The following SH3PXD2A variants were observed in gnomAD, a reference collection of about 807,000 sequenced individuals.
The protein encoded by SH3PXD2A is SH3 and PX domain-containing protein 2A.
In SH3PXD2A, 32 loss-of-function variants were observed where a neutral mutation model predicts 115.2. The observed-to-expected ratio is 0.28, with a 90% CI of 0.21 to 0.37. SH3PXD2A has a LOEUF of 0.37. SH3PXD2A is among the 10% of genes least tolerant of loss of function. The pLI is 1.00. For synonymous variants in SH3PXD2A, 610 were observed against 629.1 expected (o/e 0.97, Z 0.45); for missense variants, 1,328 against 1,498.7 (o/e 0.89, Z 1.88).
At chr10:103,722,261 T>A in intron 5 of SH3PXD2A, among the ~76,000 whole-genome samples, 1 of 139,154 alleles carries the variant, frequency 7.2e-6, no homozygotes, top group African/African-American at 2.8e-5. Flanking sequence ...CCGAGATTGC[T>A]CCACTGCACT....
At chr10:103,811,885 C>A (rs1337754255) in intron 1 of SH3PXD2A, among the ~76,000 whole-genome samples, 1 of 152,206 alleles carries the variant, frequency 6.6e-6, no homozygotes, top group East Asian at 1.9e-4. Context: ...GAATACCTGC[C>A]TCACAGTGAA....
intron 13 of SH3PXD2A, chr10:103,608,517 A>G (rs960705754): frequency 6.5e-4 from 99 of 151,626 alleles, no homozygotes; most frequent in African/African-American, 2.2e-3. Flanking sequence ...AAATTGAATA[A>G]TACCGAGTCT....
At chr10:103,776,009 G>C (rs1220098325) in intron 2 of SH3PXD2A, among the ~76,000 whole-genome samples, 1 of 152,210 alleles carries the variant, frequency 6.6e-6, no homozygotes, top group Non-Finnish European at 1.5e-5. Flanking sequence ...CTGGGCTCTA[G>C]GGGAGCATCT....
At chr10:103,833,882 T>C (rs1482064788) in intron 1 of SH3PXD2A, among the ~76,000 whole-genome samples, 2 of 152,164 alleles carry the variant, frequency 1.3e-5, no homozygotes, top group Admixed American at 1.3e-4. Context: ...CAGAACTTGG[T>C]AAGAGGGCTG....
chr10:103,662,009 C>G, intron 7 of SH3PXD2A: 1 of 953,728 alleles, frequency 1.0e-6, no homozygotes, highest in Non-Finnish European at 1.2e-6. Flanking sequence ...CAGCCTCAGG[C>G]CTGCCCCCAG....
intron 11 of SH3PXD2A, among the ~76,000 whole-genome samples, chr10:103,616,772 G>A (rs1283426227): frequency 6.6e-6 from 1 of 151,888 alleles, no homozygotes; most frequent in Non-Finnish European, 1.5e-5. Flanking sequence ...TACTGAGCCT[G>A]GGCAGCAGAG....
At chr10:103,783,123 C>G (rs2038948359) in intron 2 of SH3PXD2A, among the ~76,000 whole-genome samples, 1 of 152,122 alleles carries the variant, frequency 6.6e-6, no homozygotes, top group Non-Finnish European at 1.5e-5. Flanking sequence ...GTGCTGAGAA[C>G]AAGTGACAGG....
intron 1 of SH3PXD2A, among the ~76,000 whole-genome samples, chr10:103,849,030 C>T (rs539008840): frequency 2.1e-5 from 3 of 143,528 alleles, no homozygotes; most frequent in Non-Finnish European, 3.0e-5. Context: ...CTGTATCCCA[C>T]GGCAGCGAGT....
intron 3 of SH3PXD2A, among the ~76,000 whole-genome samples, chr10:103,740,198 T>C (rs2038429128): frequency 6.6e-6 from 1 of 152,118 alleles, no homozygotes; most frequent in Non-Finnish European, 1.5e-5. Flanking sequence ...ACCAGGCCCA[T>C]TTTGTCCTAG....
intron 2 of SH3PXD2A, among the ~76,000 whole-genome samples, chr10:103,773,937 G>T (rs1490888507): frequency 6.6e-6 from 1 of 152,096 alleles, no homozygotes; most frequent in Non-Finnish European, 1.5e-5. Flanking sequence ...GTCTCACTAT[G>T]TTGCCCTGGC....
intron 8 of SH3PXD2A, among the ~76,000 whole-genome samples, chr10:103,653,358 C>T (rs147152364): frequency 5.3e-5 from 8 of 152,274 alleles, no homozygotes; most frequent in Middle Eastern, 3.4e-3. Flanking sequence ...TCAGTAGAAA[C>T]CTGTTTGTCC....
At chr10:103,785,920 C>T (rs372760983) in intron 2 of SH3PXD2A, among the ~76,000 whole-genome samples, 11 of 151,668 alleles carry the variant, frequency 7.3e-5, no homozygotes, top group East Asian at 3.9e-4. Context: ...GACATAAGAG[C>T]GTAGACGGAG....
intron 9 of SH3PXD2A, 21 bp from the exon 10 acceptor site, chr10:103,622,574 G>C (rs1258221893): frequency 2.6e-6 from 4 of 1,525,528 alleles, no homozygotes; most frequent in Admixed American, 2.0e-5. Flanking sequence ...AGATGGCGAT[G>C]GAGCATGCGG....
chr10:103,717,651 G>A (rs1015255355), intron 5 of SH3PXD2A, among the ~76,000 whole-genome samples: 9 of 152,224 alleles, frequency 5.9e-5, no homozygotes, highest in African/African-American at 2.2e-4. Context: ...AGAGTTCCTA[G>A]CGTTCGTTTC....
intron 5 of SH3PXD2A, among the ~76,000 whole-genome samples, chr10:103,723,305 CT>C (rs1479283279): frequency 2.0e-5 from 3 of 152,318 alleles, no homozygotes; most frequent in Admixed American, 1.3e-4. Flanking sequence ...TCAGCATCCC[CT>C]TAAGTCCTCT....
intron 5 of SH3PXD2A, among the ~76,000 whole-genome samples, chr10:103,695,849 A>G (rs1330479689): frequency 6.6e-6 from 1 of 152,186 alleles, no homozygotes; most frequent in East Asian, 1.9e-4. Context: ...CTTCAGCCAG[A>G]GTTCAGAGTC....
In SH3PXD2A at chr10:103,732,732, C is replaced by T. The variant is rs12257391; in HGVS notation, c.306+3000G>A. ...TCTGAGCCCACATTGTCTAGCAGGT[C>T]GAAGGAAGATGACCAGCCAAGCAGG... On this transcript the variant is annotated intron_variant, in intron 4 of 14. Transcript: ENST00000369774. Among the ~76,000 whole-genome samples, 1,165 of 152,222 alleles carry T rather than the reference C, an allele frequency of 7.7e-3. 19 individuals carry two copies. The highest frequency in any genetic ancestry group is 0.027 in the African/African-American group (1,121 of 41,530).
At chr10:103,853,935 A>T (rs1376733676) in intron 1 of SH3PXD2A, among the ~76,000 whole-genome samples, 2 of 152,216 alleles carry the variant, frequency 1.3e-5, no homozygotes, top group Non-Finnish European at 2.9e-5. Context: ...GCTGGACCAG[A>T]TGACACAAAA....
intron 8 of SH3PXD2A, among the ~76,000 whole-genome samples, chr10:103,652,554 G>A (rs1371122402): frequency 6.6e-6 from 1 of 152,220 alleles, no homozygotes; most frequent in Non-Finnish European, 1.5e-5. Context: ...GGATAAGCTG[G>A]GGAGAGAATG....
Sources: allele counts gnomAD v4.1 joint callset (sites outside exome capture counted in the v4.1 genomes callset), GRCh38; gene constraint gnomAD v4.1.1; transcripts MANE v1.5; gene names NCBI Gene and HGNC (gene_info 2026-07-23, HGNC 2026-07-21).